Variants in IGSF21 observed in about 807,000 individuals in gnomAD.
IGSF21 encodes immunoglobulin superfamily member 21.
In IGSF21, 28 loss-of-function variants were observed where a neutral mutation model predicts 46.8. The observed-to-expected ratio is 0.60, with a 90% CI of 0.44 to 0.82. IGSF21 has a LOEUF of 0.82. IGSF21 is among the 40% of genes least tolerant of loss of function. IGSF21 has a pLI of 0.00. For synonymous variants in IGSF21, 284 were observed against 273.6 expected, an observed-to-expected ratio of 1.04 and a Z score of -0.38; for missense variants, 624 against 665.5, an observed-to-expected ratio of 0.94 and a Z score of 0.69.
chr1:18,108,892 G>A (rs1480241085), intron 1 of IGSF21, among the ~76,000 whole-genome samples: 2 of 151,592 alleles, frequency 1.3e-5, no homozygotes, highest in Non-Finnish European at 2.9e-5. Flanking sequence ...GCTTCATGGG[G>A]CTGGGAGTGT....
In IGSF21 at chr1:18,228,803, G is replaced by T. The variant is rs1374370910; in HGVS notation, c.183+793G>T. ...AAACAGGGGTTGGCAACATTTTTTG[G>T]TGACGACTGAGATTGTAAATATTCT... On this transcript the variant is annotated intron_variant, in intron 2 of 9. Transcript: ENST00000251296. Among the ~76,000 whole-genome samples, 4 of 152,144 alleles carry T rather than the reference G, an allele frequency of 2.6e-5. No individual in the cohort carries two copies. In the East Asian group the frequency reaches 7.7e-4, roughly 29 times the overall value.
intron 6 of IGSF21, among the ~76,000 whole-genome samples, chr1:18,366,214 G>A (rs370095609): frequency 6.6e-6 from 1 of 152,180 alleles, no homozygotes; most frequent in Admixed American, 6.5e-5. Flanking sequence ...CTGGATTGGT[G>A]TTAAAAACAG....
chr1:18,293,546 C>T (rs1378681075), intron 3 of IGSF21, among the ~76,000 whole-genome samples: 1 of 152,072 alleles, frequency 6.6e-6, no homozygotes, highest in Non-Finnish European at 1.5e-5. Flanking sequence ...CCTTCATCCC[C>T]CTAGTTATGA....
chr1:18,320,291 G>C (rs2085587905), intron 3 of IGSF21, among the ~76,000 whole-genome samples: 1 of 152,114 alleles, frequency 6.6e-6, no homozygotes, highest in Non-Finnish European at 1.5e-5. Flanking sequence ...GGCAGCCCTG[G>C]GCACCCTGGC....
chr1:18,289,051 T>G (rs894108966), intron 2 of IGSF21, among the ~76,000 whole-genome samples: 2 of 152,124 alleles, frequency 1.3e-5, no homozygotes, highest in Admixed American at 1.3e-4. Context: ...GGTATGTGTG[T>G]GGATGTGTGG....
chr1:18,276,454 T>G (rs1461586098), intron 2 of IGSF21, among the ~76,000 whole-genome samples: 1 of 152,166 alleles, frequency 6.6e-6, no homozygotes, highest in Non-Finnish European at 1.5e-5. Context: ...TTCCAGCCCC[T>G]AAGGCTTGGG....
chr1:18,283,593 T>A (rs562173599), intron 2 of IGSF21, among the ~76,000 whole-genome samples: 75 of 152,194 alleles, frequency 4.9e-4, no homozygotes, highest in African/African-American at 1.7e-3. Context: ...CCCCTCCCCC[T>A]ACACAGCAGG....
rs2086828577 is a variant in IGSF21 at position 18,178,752 on chromosome 1, C to T, written c.71-49146C>T. 2.6e-5 allele frequency among the ~76,000 whole-genome samples: 4 copies of T among 152,220 alleles called. No individual in the cohort carries two copies. In the South Asian group the frequency reaches 8.3e-4, roughly 32 times the overall value. ...CAGCAAGTGATGTCATCCCCCCTTC[C>T]CCTTCCCCCTACCCCACCCCAGGGT... On this transcript the variant is annotated intron_variant, in intron 1 of 9. Transcript: ENST00000251296.
rs186630522 is a variant in IGSF21, at chr1:18,108,253, G to A, written c.70+55G>A. 6.7e-5 allele frequency: 88 copies of A among 1,314,016 alleles called. 1 individual carries two copies. The East Asian group carries it at 2.7e-3, about 40-fold the overall frequency. The allele number at this position is 1,314,016 out of a possible 1,614,324, so 81.4% of individuals were successfully genotyped here. ...AGCGGTGAACGTGCGCGGGGACGGG[G>A]TGCCGGGGGAGGGCGCTGGCCGGGG... On this transcript the variant is annotated intron_variant, in intron 1 of 9. Coordinates refer to ENST00000251296, the MANE Select transcript of IGSF21 (RefSeq NM_032880.5).
At chr1:18,226,000 C>T (rs1279431139) in intron 1 of IGSF21, among the ~76,000 whole-genome samples, 3 of 152,174 alleles carry the variant, frequency 2.0e-5, no homozygotes, top group East Asian at 1.9e-4. Context: ...TAGGAGTGTC[C>T]TGGTGATTAA....
chr1:18,207,972 A>C (rs1005886068), intron 1 of IGSF21, among the ~76,000 whole-genome samples: 1 of 152,182 alleles, frequency 6.6e-6, no homozygotes, highest in African/African-American at 2.4e-5. Flanking sequence ...AAGAAAAAAA[A>C]CGGGTTCAAA....
chr1:18,178,044 C>T (rs755588508), intron 1 of IGSF21, among the ~76,000 whole-genome samples: 3 of 151,628 alleles, frequency 2.0e-5, no homozygotes, highest in Non-Finnish European at 2.9e-5. Flanking sequence ...ACAGATATAA[C>T]CTTGAAGTGT....
chr1:18,357,823 TG>T (rs1421680984), intron 4 of IGSF21, among the ~76,000 whole-genome samples: 2 of 151,978 alleles, frequency 1.3e-5, no homozygotes, highest in Non-Finnish European at 2.9e-5. Context: ...GACTCACTGA[TG>T]GGAGTATATT....
At chr1:18,221,083 C>T (rs2124500095) in intron 1 of IGSF21, among the ~76,000 whole-genome samples, 1 of 152,250 alleles carries the variant, frequency 6.6e-6, no homozygotes, top group East Asian at 1.9e-4. Context: ...CCACCATTGT[C>T]TGAGAACCCA....
At chr1:18,132,197 ATGGAT>A (rs1240394643) in intron 1 of IGSF21, among the ~76,000 whole-genome samples, 35 of 152,132 alleles carry the variant, frequency 2.3e-4, no homozygotes, top group Non-Finnish European at 2.8e-4. Flanking sequence ...GGATGGATGG[ATGGAT>A]GGAATGATAG....
At chr1:18,273,462 C>CTCTTTCTTTTTCTTTCTTTCTTTCTT in intron 2 of IGSF21, among the ~76,000 whole-genome samples, 1 of 61,930 alleles carries the variant, frequency 1.6e-5, no homozygotes, top group South Asian at 5.8e-4. Context: ...TTCTTTCTCT[C>CTCTTTCTTTTTCTTTCTTTCTTTCTT]TCTTTCTTTC....
At chr1:18,316,441 C>G (rs2085544018) in intron 3 of IGSF21, among the ~76,000 whole-genome samples, 1 of 152,190 alleles carries the variant, frequency 6.6e-6, no homozygotes, top group South Asian at 2.1e-4. Flanking sequence ...TACTCCTGCT[C>G]AGGGCTCTGC....
intron 6 of IGSF21, among the ~76,000 whole-genome samples, chr1:18,374,081 G>A (rs2086255678): frequency 6.6e-6 from 1 of 152,130 alleles, no homozygotes; most frequent in Non-Finnish European, 1.5e-5. Context: ...GCCCTTCAGC[G>A]CCCTCTCCTG....
At position 18,291,142 on chromosome 1, in the gene IGSF21, C is replaced by T. The variant is rs543005030; in HGVS notation, c.184-724C>T. On this transcript the variant is annotated intron_variant, in intron 2 of 9. Coordinates refer to ENST00000251296, the MANE Select transcript of IGSF21 (RefSeq NM_032880.5). ...CGGGCGGCAGCTGAGGGCACGGACGCTTGGGTTCGCTTTCCATCAGCCATG... is the reference window on the plus strand; with the variant it reads ...CGGGCGGCAGCTGAGGGCACGGACGTTTGGGTTCGCTTTCCATCAGCCATG... 1.5e-3 allele frequency among the ~76,000 whole-genome samples: 234 copies of T among 152,344 alleles called. 5 individuals carry two copies. Among genetic ancestry groups the T allele is most frequent in the African/African-American group, 5.3e-3 (219 of 41,590 alleles).
Sources: gnomAD v4.1 joint callset for allele counts (sites outside exome capture counted in the v4.1 genomes callset) on GRCh38, gnomAD v4.1.1 for gene constraint, MANE v1.5 for transcripts, NCBI Gene and HGNC (gene_info 2026-07-23, HGNC 2026-07-21) for gene names.